The following ABHD2 variants were observed in gnomAD, a reference collection of about 807,000 sequenced individuals.
The protein encoded by ABHD2 is abhydrolase domain containing 2, acylglycerol lipase.
A neutral mutation model predicts 48.1 loss-of-function variants in ABHD2; 20 were observed. That is an observed-to-expected ratio of 0.42 (90% confidence interval 0.29 to 0.60). ABHD2 has a LOEUF of 0.60. ABHD2 is among the 20% of genes least tolerant of loss of function. The pLI, the probability that ABHD2 is intolerant of heterozygous loss-of-function variation, is 0.24. For missense variants in ABHD2, 405 were observed against 550.9 expected (o/e 0.74, Z 2.65); for synonymous variants, 209 against 214.2 (o/e 0.98, Z 0.21).
chr15:89,107,237 T>C (rs149934390), intron 1 of ABHD2, among the ~76,000 whole-genome samples: 1 of 152,258 alleles, frequency 6.6e-6, no homozygotes, highest in African/African-American at 2.4e-5. Flanking sequence ...TTGGAACTGT[T>C]TATGGGACAT....
the ABHD2 span, among the ~76,000 whole-genome samples, chr15:89,045,798 T>C: frequency 6.6e-6 from 1 of 152,240 alleles, no homozygotes; most frequent in Non-Finnish European, 1.5e-5. Flanking sequence ...GATTTTGGGC[T>C]GAGACAATGG....
chr15:89,153,426 T>A (rs1194544855), intron 4 of ABHD2, among the ~76,000 whole-genome samples: 1 of 152,210 alleles, frequency 6.6e-6, no homozygotes, highest in East Asian at 1.9e-4. Context: ...CATACCCAGT[T>A]AAATGTTTTC....
chr15:89,170,172 C>G (rs1398691065), intron 5 of ABHD2, among the ~76,000 whole-genome samples: 1 of 132,160 alleles, frequency 7.6e-6, no homozygotes, highest in Admixed American at 9.1e-5. Context: ...TCTTGGCTCA[C>G]TGCAACCTCC....
intron 3 of ABHD2, among the ~76,000 whole-genome samples, chr15:89,123,793 G>A (rs1298565213): frequency 6.6e-6 from 1 of 151,854 alleles, no homozygotes; most frequent in East Asian, 1.9e-4. Flanking sequence ...TAAAGACAGG[G>A]TCTCACCTGT....
At chr15:89,138,290 G>A (rs1356509793) in intron 3 of ABHD2, among the ~76,000 whole-genome samples, 2 of 152,234 alleles carry the variant, frequency 1.3e-5, no homozygotes, top group African/African-American at 4.8e-5. Flanking sequence ...TCGTGGAGCT[G>A]CCACAAAGCT....
chr15:89,178,016 C>T (rs1369061930), intron 6 of ABHD2, among the ~76,000 whole-genome samples: 6 of 152,228 alleles, frequency 3.9e-5, no homozygotes, highest in Non-Finnish European at 8.8e-5. Context: ...AAACTAAAAT[C>T]TGTGAGGTGC....
intron 5 of ABHD2, among the ~76,000 whole-genome samples, chr15:89,163,923 G>T (rs541441243): frequency 6.6e-5 from 10 of 152,178 alleles, no homozygotes; most frequent in Non-Finnish European, 5.9e-5. Flanking sequence ...AGGCAGTCTC[G>T]CAGTCTAGTC....
chr15:89,065,136 A>G, the ABHD2 span, among the ~76,000 whole-genome samples: 1 of 152,170 alleles, frequency 6.6e-6, no homozygotes, highest in African/African-American at 2.4e-5. Context: ...TCCAGACTCA[A>G]TGCATCCAGT....
rs528185271 is a variant in ABHD2 at position 89,106,813 on chromosome 15, C to A, written c.-106-6912C>A. ...AATAGTGACCCTCCAAAATTTATGT[C>A]CCATCTGAAACCAGTGAATGTGACC... On this transcript the variant is annotated intron_variant, in intron 1 of 10. Transcript: ENST00000352732. This position sits in a 1 kb window ranked among gnomAD's most constrained non-coding sequence, Gnocchi z 4.2. Among the ~76,000 whole-genome samples, 1 of 152,268 alleles carries A rather than the reference C, an allele frequency of 6.6e-6. No homozygotes were observed. Among genetic ancestry groups the A allele is most frequent in the East Asian group, 1.9e-4 (1 of 5,180 alleles).
the ABHD2 span, among the ~76,000 whole-genome samples, chr15:89,056,908 CTT>C: frequency 3.0e-3 from 264 of 87,422 alleles, no homozygotes; most frequent in African/African-American, 0.01. Context: ...TAAGTGATAC[CTT>C]TTTTTTTTTT....
intron 3 of ABHD2, among the ~76,000 whole-genome samples, chr15:89,138,992 G>T (rs2050360618): frequency 6.6e-5 from 10 of 150,982 alleles, no homozygotes; most frequent in Admixed American, 6.6e-4. Context: ...GAGGTGGGAG[G>T]ATTGCTTGAG....
chr15:89,138,081 G>A (rs1047334239), intron 3 of ABHD2, among the ~76,000 whole-genome samples: 6 of 152,256 alleles, frequency 3.9e-5, no homozygotes, highest in Non-Finnish European at 7.3e-5. Context: ...AGAGGTGTCT[G>A]TGGTAGGAGC....
chr15:89,086,687 C>T (rs183784967), upstream of ABHD2, among the ~76,000 whole-genome samples: 510 of 152,358 alleles, frequency 3.3e-3, no homozygotes, highest in Non-Finnish European at 4.9e-3. Context: ...CAGGCGTGAG[C>T]CACTGTACCG....
chr15:89,060,477 A>T, the ABHD2 span, among the ~76,000 whole-genome samples: 2 of 152,090 alleles, frequency 1.3e-5, no homozygotes, highest in Non-Finnish European at 2.9e-5. Flanking sequence ...ACCATGAAGA[A>T]CACAGATATA....
At chr15:89,050,460 G>C in the ABHD2 span, among the ~76,000 whole-genome samples, 3 of 151,740 alleles carry the variant, frequency 2.0e-5, no homozygotes, top group Non-Finnish European at 4.4e-5. Flanking sequence ...TCAAGAACCG[G>C]GGTTAAGTTC....
chr15:89,130,429 T>C (rs1289289829), intron 3 of ABHD2, among the ~76,000 whole-genome samples: 1 of 152,198 alleles, frequency 6.6e-6, no homozygotes, highest in Non-Finnish European at 1.5e-5. Context: ...ACTTGGTCAT[T>C]TCCTTTCCCA....
In ABHD2 at chr15:89,132,783, A is replaced by G. The variant is rs75034919; in HGVS notation, c.194+16262A>G. Among the ~76,000 whole-genome samples the G allele has an allele frequency of 4.3e-3, 649 of 152,310 alleles. 3 individuals carry two copies. The highest frequency in any genetic ancestry group is 0.015 in the African/African-American group (624 of 41,566). On this transcript the variant is annotated intron_variant, in intron 3 of 10. Transcript: ENST00000352732. ...ACTTTGCTTTAGTAGGACTTTCTAG[A>G]ACATGCTTATCTGCATGGTTTGGTG...
At chr15:89,112,529 G>A (rs2049891634) in intron 1 of ABHD2, among the ~76,000 whole-genome samples, 1 of 152,190 alleles carries the variant, frequency 6.6e-6, no homozygotes, top group Admixed American at 6.5e-5. Flanking sequence ...TCTCAGAATA[G>A]GGACAGATAA....
rs1243398003 is a variant in ABHD2 at position 89,164,478 on chromosome 15, A to T, written c.538+8944A>T. Among the ~76,000 whole-genome samples the T allele has an allele frequency of 1.7e-5, 1 of 59,136 alleles. No homozygotes were observed. The highest frequency in any genetic ancestry group is 3.5e-5 in the Non-Finnish European group (1 of 28,868). 38.8% of individuals were successfully genotyped at this position (59,136 alleles called of 152,430 possible). Reference sequence around the variant, plus strand: ...TGACTGCCTGGTCGAGAAAGCTGAGAAAGACTGTTAAGAAATTTGGCAATA... The same window carrying T: ...TGACTGCCTGGTCGAGAAAGCTGAGTAAGACTGTTAAGAAATTTGGCAATA... On this transcript the variant is annotated intron_variant, in intron 5 of 10. Transcript: ENST00000352732. The surrounding 1 kb of genome is among the most constrained non-coding windows in gnomAD (Gnocchi z 5.0).
Sources: allele counts gnomAD v4.1 joint callset (sites outside exome capture counted in the v4.1 genomes callset), GRCh38; gene constraint gnomAD v4.1.1; non-coding constraint Gnocchi (gnomAD v3.1); transcripts MANE v1.5; gene names NCBI Gene and HGNC (gene_info 2026-07-23, HGNC 2026-07-21).